GLIS3: variants seen among roughly 807,000 people sequenced by gnomAD.
GLIS3 encodes the protein GLIS family zinc finger 3.
In GLIS3, 53 loss-of-function variants were observed where a neutral mutation model predicts 78.6. The observed-to-expected ratio is 0.67, with a 90% CI of 0.54 to 0.85. The LOEUF is 0.85. Among genes scored for constraint, GLIS3 ranks in the 40% least tolerant of loss-of-function variants. The pLI is 0.00. For missense variants in GLIS3, 1,703 were observed against 1,231.1 expected (o/e 1.38, Z -5.74); for synonymous variants, 684 against 509.9 (o/e 1.34, Z -4.60).
intron 4 of GLIS3, among the ~76,000 whole-genome samples, chr9:3,961,978 G>T (rs576874516): frequency 1.8e-4 from 28 of 152,304 alleles, no homozygotes; most frequent in African/African-American, 6.7e-4. Flanking sequence ...GCCGAGGCAG[G>T]CGGATTGCTT....
At chr9:4,066,033 A>C (rs988897769) in intron 4 of GLIS3, among the ~76,000 whole-genome samples, 8 of 121,480 alleles carry the variant, frequency 6.6e-5, no homozygotes, top group African/African-American at 2.5e-4. Flanking sequence ...AATGACCCAA[A>C]GAATATAAAA....
At chr9:4,337,511 T>C (rs1197187649) in intron 2 of GLIS3, among the ~76,000 whole-genome samples, 1 of 152,244 alleles carries the variant, frequency 6.6e-6, no homozygotes, top group African/African-American at 2.4e-5. Flanking sequence ...TCTGAACATT[T>C]CTATGTACTC....
intron 2 of GLIS3, among the ~76,000 whole-genome samples, chr9:4,232,817 T>C (rs886737454): frequency 3.9e-5 from 6 of 152,182 alleles, no homozygotes; most frequent in Non-Finnish European, 8.8e-5. Context: ...ACTAGTCATA[T>C]TTAAATAATT....
chr9:4,189,744 T>C (rs1240583585), intron 2 of GLIS3, among the ~76,000 whole-genome samples: 1 of 152,216 alleles, frequency 6.6e-6, no homozygotes, highest in Non-Finnish European at 1.5e-5. Context: ...TTTACCATTA[T>C]GTAATGGCCT....
intron 7 of GLIS3, among the ~76,000 whole-genome samples, chr9:3,895,606 GTCTT>G (rs1350180048): frequency 2.0e-5 from 3 of 151,730 alleles, no homozygotes; most frequent in African/African-American, 7.2e-5. Flanking sequence ...ATCAAGCTCT[GTCTT>G]TCTTTTCAAC....
At chr9:3,902,445 G>C (rs1342409495) in intron 6 of GLIS3, among the ~76,000 whole-genome samples, 3 of 152,158 alleles carry the variant, frequency 2.0e-5, no homozygotes, top group African/African-American at 4.8e-5. Flanking sequence ...ATGTAACATA[G>C]TTTTATATTT....
In GLIS3 at chr9:4,015,213, G is replaced by A. The variant is rs74514669; in HGVS notation, c.1711-78024C>T. 9.8e-3 allele frequency among the ~76,000 whole-genome samples: 1,500 copies of A among 152,310 alleles called. 19 individuals carry two copies. The highest frequency in any genetic ancestry group is 0.025 in the East Asian group (127 of 5,176). Reference sequence around the variant, plus strand: ...CTGACCATGGCATGGAAGGCCGTGTGTGCAGGGATGTGAGGAAGGGGGTGT... The same window carrying A: ...CTGACCATGGCATGGAAGGCCGTGTATGCAGGGATGTGAGGAAGGGGGTGT... On this transcript the variant is annotated intron_variant, in intron 4 of 10. Coordinates refer to ENST00000381971, the MANE Select transcript of GLIS3 (RefSeq NM_001042413.2).
At chr9:4,427,757 G>A in the GLIS3 span, among the ~76,000 whole-genome samples, 12 of 151,916 alleles carry the variant, frequency 7.9e-5, no homozygotes, top group Non-Finnish European at 1.5e-4. Flanking sequence ...TACTCAGAAG[G>A]CTGAGGCACA....
At chr9:3,888,462 C>G (rs1257329453) in intron 7 of GLIS3, among the ~76,000 whole-genome samples, 1 of 152,210 alleles carries the variant, frequency 6.6e-6, no homozygotes, top group African/African-American at 2.4e-5. Context: ...TTTTAATGCA[C>G]TATTATTCTA....
chr9:3,897,840 A>C (rs1416466727), intron 7 of GLIS3, among the ~76,000 whole-genome samples: 1 of 152,242 alleles, frequency 6.6e-6, no homozygotes, highest in Non-Finnish European at 1.5e-5. Flanking sequence ...AGAAAAAAAC[A>C]GTCTGCTGCC....
chr9:4,362,339 T>C, the GLIS3 span, among the ~76,000 whole-genome samples: 7 of 152,256 alleles, frequency 4.6e-5, no homozygotes, highest in Non-Finnish European at 1.0e-4. Context: ...TTTTGCTGAC[T>C]GGCTTGTGCA....
At chr9:4,150,025 C>T (rs1408730480) in intron 2 of GLIS3, among the ~76,000 whole-genome samples, 6 of 149,960 alleles carry the variant, frequency 4.0e-5, no homozygotes, top group East Asian at 3.9e-4. Context: ...AATGCACGTG[C>T]GGGTGCACGC....
chr9:4,400,251 G>A, the GLIS3 span, among the ~76,000 whole-genome samples: 2 of 152,352 alleles, frequency 1.3e-5, no homozygotes, highest in South Asian at 4.1e-4. Flanking sequence ...GGCATGTAAA[G>A]AAAGATGGAG....
At chr9:3,988,185 C>G (rs180836161) in intron 4 of GLIS3, among the ~76,000 whole-genome samples, 1 of 151,868 alleles carries the variant, frequency 6.6e-6, no homozygotes, top group Admixed American at 6.6e-5. Flanking sequence ...AGAAACTATC[C>G]TTCATAAATG....
intron 4 of GLIS3, among the ~76,000 whole-genome samples, chr9:4,079,655 G>T (rs932002766): frequency 3.3e-5 from 5 of 152,002 alleles, no homozygotes; most frequent in Non-Finnish European, 7.4e-5. Context: ...GCATGGCTAT[G>T]GAGCCAGAGA....
intron 2 of GLIS3, among the ~76,000 whole-genome samples, chr9:4,211,370 T>C (rs566014712): frequency 8.7e-4 from 132 of 152,240 alleles, no homozygotes; most frequent in African/African-American, 3.1e-3. Context: ...ACTGAAAAGG[T>C]CCCAAATTCA....
rs567388403 is a variant in GLIS3 at position 4,284,875 on chromosome 9, T to C, written c.388+1163A>G. On this transcript the variant is annotated intron_variant, in intron 2 of 10. Coordinates refer to ENST00000381971, the MANE Select transcript of GLIS3 (RefSeq NM_001042413.2). Reference sequence around the variant, plus strand: ...TGAGGCTGCAGTGAGACCAAGATCATGCCACTGTACTCCAGCCTGGGTGAC... The same window carrying C: ...TGAGGCTGCAGTGAGACCAAGATCACGCCACTGTACTCCAGCCTGGGTGAC... Among the ~76,000 whole-genome samples, 25 of 152,194 alleles carry C rather than the reference T, an allele frequency of 1.6e-4. No homozygotes were observed. In the Middle Eastern group the frequency reaches 0.01, roughly 62 times the overall value.
At chr9:4,251,166 A>G (rs1436331863) in intron 2 of GLIS3, among the ~76,000 whole-genome samples, 5 of 151,944 alleles carry the variant, frequency 3.3e-5, no homozygotes, top group African/African-American at 4.8e-5. Flanking sequence ...ATCCTTGTTC[A>G]TTTTCTGTCC....
chr9:4,168,695 T>C (rs993001226), intron 2 of GLIS3, among the ~76,000 whole-genome samples: 18 of 152,338 alleles, frequency 1.2e-4, no homozygotes, highest in African/African-American at 4.3e-4. Flanking sequence ...ATGAGTGTTG[T>C]AACTGTCCTC....
Sources: allele counts gnomAD v4.1 joint callset (sites outside exome capture counted in the v4.1 genomes callset), GRCh38; gene constraint gnomAD v4.1.1; transcripts MANE v1.5; gene names NCBI Gene and HGNC (gene_info 2026-07-23, HGNC 2026-07-21).